The following DOCK3 variants were observed in gnomAD, a reference collection of about 807,000 sequenced individuals.
DOCK3 encodes the protein dedicator of cytokinesis 3, also known as dedicator of cytokinesis protein 3.
DOCK3 carries 60 observed loss-of-function variants against 265.6 expected under a neutral mutation model. That is an observed-to-expected ratio of 0.23 (90% CI 0.18 to 0.28). DOCK3 has a LOEUF of 0.28. DOCK3 is among the 10% of genes least tolerant of loss of function. The pLI, the probability that DOCK3 is intolerant of heterozygous loss-of-function variation, is 1.00. For synonymous variants in DOCK3, 881 were observed against 938.0 expected (o/e 0.94, Z 1.11); for missense variants, 1,981 against 2,594.3 (o/e 0.76, Z 5.14).
intron 5 of DOCK3, among the ~76,000 whole-genome samples, chr3:50,958,189 T>C (rs2076781029): frequency 6.6e-6 from 1 of 152,240 alleles, no homozygotes; most frequent in Admixed American, 6.5e-5. Context: ...TCATTCTTCT[T>C]TTATTATGTT....
At chr3:51,000,962 AT>A (rs1210185471) in intron 5 of DOCK3, among the ~76,000 whole-genome samples, 2 of 152,144 alleles carry the variant, frequency 1.3e-5, no homozygotes, top group Admixed American at 6.5e-5. Context: ...CTGTTCTGCC[AT>A]TTTCTAACAT....
At chr3:51,356,583 G>C in intron 43 of DOCK3, 90 bp downstream of exon 43, 2 of 1,373,002 alleles carry the variant, frequency 1.5e-6, no homozygotes, top group Non-Finnish European at 2.0e-6. Flanking sequence ...AAGAAAAAGA[G>C]AGCGTCGGCC....
chr3:50,954,572 C>G (rs188823998), intron 5 of DOCK3, among the ~76,000 whole-genome samples: 154 of 152,066 alleles, frequency 1.0e-3, no homozygotes, highest in Middle Eastern at 3.4e-3. Flanking sequence ...GTGACTGGCC[C>G]GAGGAGAACA....
At chr3:50,676,615 TG>T (rs1395397827) in intron 1 of DOCK3, among the ~76,000 whole-genome samples, 1 of 150,722 alleles carries the variant, frequency 6.6e-6, no homozygotes, top group Non-Finnish European at 1.5e-5. Flanking sequence ...CTCCCAGAAC[TG>T]CTGAACTAGA....
Position 51,361,805 on chromosome 3 carries a change from C to G in DOCK3, c.5007-54C>G. ...TTCCACACATTCCGCTCTACTGTCC[C>G]CCTGCCACCTGCCATGGGCCTGACT... On this transcript the variant is annotated intron_variant, in intron 47 of 52. Transcript: ENST00000266037. This position sits in a 1 kb window ranked among gnomAD's most constrained non-coding sequence, Gnocchi z 4.2. 1.9e-6 allele frequency: 3 copies of G among 1,586,878 alleles called. 1 individual carries two copies. In the South Asian group the frequency reaches 3.5e-5, roughly 19 times the overall value.
At chr3:51,008,718 A>C (rs539738412) in intron 5 of DOCK3, among the ~76,000 whole-genome samples, 1 of 152,148 alleles carries the variant, frequency 6.6e-6, no homozygotes, top group Non-Finnish European at 1.5e-5. Flanking sequence ...GAATGCTTCC[A>C]GTTTTTGCCC....
At chr3:51,104,406 G>A (rs1484188720) in intron 9 of DOCK3, among the ~76,000 whole-genome samples, 1 of 152,184 alleles carries the variant, frequency 6.6e-6, no homozygotes, top group Non-Finnish European at 1.5e-5. Flanking sequence ...GTTTCTGAGG[G>A]GAAGAGGGAC....
At chr3:51,123,323 G>A (rs937658313) in intron 9 of DOCK3, among the ~76,000 whole-genome samples, 8 of 152,118 alleles carry the variant, frequency 5.3e-5, no homozygotes, top group African/African-American at 4.8e-5. Context: ...GGCCTTACCT[G>A]CCCTACCCTA....
At chr3:50,995,522 A>G (rs2078248441) in intron 5 of DOCK3, among the ~76,000 whole-genome samples, 1 of 152,304 alleles carries the variant, frequency 6.6e-6, no homozygotes, top group South Asian at 2.1e-4. Context: ...GAATGCACAT[A>G]TAAAATATGG....
chr3:51,130,128 A>G (rs2106922797), intron 9 of DOCK3, among the ~76,000 whole-genome samples: 1 of 152,320 alleles, frequency 6.6e-6, no homozygotes, highest in Middle Eastern at 3.4e-3. Flanking sequence ...AAGTTCCCTG[A>G]ATTTTGTCAG....
chr3:51,134,937 G>A (rs2084726457), intron 9 of DOCK3, among the ~76,000 whole-genome samples: 1 of 152,162 alleles, frequency 6.6e-6, no homozygotes, highest in Non-Finnish European at 1.5e-5. Context: ...TAAAATACCT[G>A]TTGTAAAGAT....
chr3:51,306,304 A>G (rs1351463572), intron 27 of DOCK3, among the ~76,000 whole-genome samples: 2 of 151,826 alleles, frequency 1.3e-5, no homozygotes, highest in East Asian at 3.9e-4. Flanking sequence ...CATATTATTG[A>G]GGGTTGTTTG....
At chr3:51,205,391 A>G (rs1202283453) in intron 12 of DOCK3, among the ~76,000 whole-genome samples, 1 of 151,996 alleles carries the variant, frequency 6.6e-6, no homozygotes, top group Non-Finnish European at 1.5e-5. Context: ...TAAAGAGAAT[A>G]ATTTTAAAAA....
intron 21 of DOCK3, among the ~76,000 whole-genome samples, chr3:51,242,956 C>G (rs2078674256): frequency 1.3e-5 from 2 of 152,094 alleles, no homozygotes; most frequent in African/African-American, 4.8e-5. Flanking sequence ...GTGGAGCTCT[C>G]CCCCATCAAG....
intron 5 of DOCK3, among the ~76,000 whole-genome samples, chr3:51,000,950 G>C (rs934918363): frequency 1.3e-5 from 2 of 152,246 alleles, no homozygotes; most frequent in African/African-American, 4.8e-5. Context: ...GCCACACCCA[G>C]CCTGTTCTGC....
intron 5 of DOCK3, among the ~76,000 whole-genome samples, chr3:51,043,017 G>A (rs1047757410): frequency 3.9e-5 from 6 of 152,130 alleles, no homozygotes; most frequent in African/African-American, 1.4e-4. Flanking sequence ...CGGCCATACT[G>A]CCCAAAGCAA....
intron 5 of DOCK3, among the ~76,000 whole-genome samples, chr3:51,007,799 A>G (rs1329349878): frequency 6.6e-6 from 1 of 152,168 alleles, no homozygotes; most frequent in African/African-American, 2.4e-5. Context: ...ATTTTTGTAT[A>G]AGGTGTAAGG....
At chr3:51,246,285 T>C (rs1039734818) in intron 21 of DOCK3, among the ~76,000 whole-genome samples, 1 of 143,846 alleles carries the variant, frequency 7.0e-6, no homozygotes, top group Non-Finnish European at 1.5e-5. Flanking sequence ...CAAGCTGGAG[T>C]GCAGTGGCGC....
chr3:50,799,019 A>C lies in DOCK3; in HGVS notation c.121+20261A>C, dbSNP rs568482013. Among the ~76,000 whole-genome samples the C allele has an allele frequency of 2.6e-5, 4 of 152,280 alleles. No homozygotes were observed. In the South Asian group the frequency reaches 8.3e-4, roughly 32 times the overall value. The stretch of plus-strand genomic sequence containing the variant: ...AATGTTCTTGGTACTTTTATCAAAA[A>C]CTAATTGGCTATAGATATGTGCATT... On this transcript the variant is annotated intron_variant, in intron 2 of 52. Coordinates refer to ENST00000266037, the MANE Select transcript of DOCK3 (RefSeq NM_004947.5).
Sources: gnomAD v4.1 joint callset for allele counts (sites outside exome capture counted in the v4.1 genomes callset) on GRCh38, gnomAD v4.1.1 for gene constraint, Gnocchi (gnomAD v3.1) non-coding constraint, MANE v1.5 for transcripts, NCBI Gene and HGNC (gene_info 2026-07-23, HGNC 2026-07-21) for gene names.